Variants in MBTD1 observed in about 807,000 individuals in gnomAD.
MBTD1 encodes MBT domain-containing protein 1.
MBTD1 carries 24 observed loss-of-function variants against 87.8 expected under a neutral mutation model. That is an observed-to-expected ratio of 0.27 (90% confidence interval 0.20 to 0.38). MBTD1 has a LOEUF of 0.38. Among genes scored for constraint, MBTD1 ranks in the 10% least tolerant of loss-of-function variants. The pLI, the probability that MBTD1 is intolerant of heterozygous loss-of-function variation, is 1.00. For missense variants in MBTD1, 436 were observed against 760.2 expected (o/e 0.57, Z 5.02); for synonymous variants, 237 against 248.6 (o/e 0.95, Z 0.44).
At chr17:51,208,360 G>A (rs952019948) in intron 6 of MBTD1, among the ~76,000 whole-genome samples, 4 of 152,060 alleles carry the variant, frequency 2.6e-5, no homozygotes, top group Admixed American at 6.5e-5. Flanking sequence ...CTATCTCCCC[G>A]ACTTGTGCAA....
chr17:51,233,383 G>C (rs770766192), intron 2 of MBTD1, among the ~76,000 whole-genome samples: 1 of 151,868 alleles, frequency 6.6e-6, no homozygotes, highest in Non-Finnish European at 1.5e-5. Context: ...AACAGCATAA[G>C]AAAACGCTAA....
intron 16 of MBTD1, among the ~76,000 whole-genome samples, chr17:51,188,128 AC>A (rs1386066585): frequency 6.6e-6 from 1 of 152,190 alleles, no homozygotes; most frequent in Non-Finnish European, 1.5e-5. Flanking sequence ...TATACCACAT[AC>A]TCACAGATAA....
intron 2 of MBTD1, among the ~76,000 whole-genome samples, chr17:51,244,642 A>C (rs1427882849): frequency 2.0e-5 from 3 of 152,142 alleles, no homozygotes; most frequent in Non-Finnish European, 4.4e-5. Flanking sequence ...TCCTGGCCTC[A>C]AGTGATCTGC....
At chr17:51,181,155 T>C (rs1005081158) in intron 16 of MBTD1, among the ~76,000 whole-genome samples, 1 of 151,530 alleles carries the variant, frequency 6.6e-6, no homozygotes, top group African/African-American at 2.4e-5. Flanking sequence ...CCCCCCCAAG[T>C]AGGTGGGACT....
At chr17:51,189,232 T>C (rs1251170848) in intron 16 of MBTD1, among the ~76,000 whole-genome samples, 2 of 152,184 alleles carry the variant, frequency 1.3e-5, no homozygotes, top group East Asian at 3.8e-4. Context: ...ATATTTCTCT[T>C]CTAAAATCCA....
chr17:51,201,208 A>T (rs2051470933), intron 12 of MBTD1, among the ~76,000 whole-genome samples: 1 of 152,146 alleles, frequency 6.6e-6, no homozygotes, highest in Admixed American at 6.6e-5. Context: ...GATGAGGGGG[A>T]AAAGAGAAAA....
At chr17:51,230,583 G>A (rs576251207) in intron 2 of MBTD1, among the ~76,000 whole-genome samples, 1 of 152,270 alleles carries the variant, frequency 6.6e-6, no homozygotes, top group South Asian at 2.1e-4. Flanking sequence ...TCTCAGTGAG[G>A]TAAGACCATG....
chr17:51,231,032 A>C (rs576260820), intron 2 of MBTD1, among the ~76,000 whole-genome samples: 1 of 152,018 alleles, frequency 6.6e-6, no homozygotes, highest in Non-Finnish European at 1.5e-5. Context: ...CCGCCTCCTG[A>C]GTTCAAGCGA....
chr17:51,202,660 C>T (rs768370384), intron 10 of MBTD1, 41 bp downstream of exon 10: 4 of 1,438,332 alleles, frequency 2.8e-6, no homozygotes, highest in Non-Finnish European at 3.9e-6. Flanking sequence ...TAATCAGCCT[C>T]AATGATGCTT....
At chr17:51,207,386 C>G (rs944685947) in intron 6 of MBTD1, among the ~76,000 whole-genome samples, 2 of 152,048 alleles carry the variant, frequency 1.3e-5, no homozygotes, top group African/African-American at 4.8e-5. Context: ...AAAGATCTGG[C>G]CTAAGAGCAG....
chr17:51,211,412 T>C (rs1015969569), intron 6 of MBTD1, among the ~76,000 whole-genome samples: 1 of 149,050 alleles, frequency 6.7e-6, no homozygotes, highest in Non-Finnish European at 1.5e-5. Context: ...GAGGCTGAGG[T>C]GGGAGAGTCA....
chr17:51,208,435 C>T (rs928430224), intron 6 of MBTD1, among the ~76,000 whole-genome samples: 2 of 152,196 alleles, frequency 1.3e-5, no homozygotes, highest in African/African-American at 4.8e-5. Flanking sequence ...TCAGGTTCTG[C>T]TATCTTTCCC....
intron 2 of MBTD1, chr17:51,250,052 G>C (rs1363010001): frequency 6.6e-6 from 1 of 150,912 alleles, no homozygotes; most frequent in African/African-American, 2.4e-5. Context: ...GAGCCACCAT[G>C]CCTGGCTAAT....
chr17:51,228,262 G>A (rs1022118237), intron 2 of MBTD1, among the ~76,000 whole-genome samples: 1 of 152,010 alleles, frequency 6.6e-6, no homozygotes, highest in Non-Finnish European at 1.5e-5. Flanking sequence ...GAAAAATAAC[G>A]AATGAGTACT....
At chr17:51,260,095 C>T, upstream of MBTD1, 1 of 381,026 alleles carries the variant, frequency 2.6e-6, no homozygotes. Flanking sequence ...GACCCGCGCC[C>T]CGATTGGCCC....
intron 3 of MBTD1, among the ~76,000 whole-genome samples, chr17:51,223,318 A>G (rs534113360): frequency 1.7e-4 from 26 of 151,862 alleles, no homozygotes; most frequent in Admixed American, 1.7e-3. Context: ...GGATCGCTTG[A>G]GTTCAGGAGT....
intron 2 of MBTD1, among the ~76,000 whole-genome samples, chr17:51,251,984 C>T (rs904755886): frequency 4.6e-5 from 7 of 152,180 alleles, no homozygotes; most frequent in Non-Finnish European, 1.0e-4. Flanking sequence ...AGGCTGATCT[C>T]GAACTCCTGG....
intron 16 of MBTD1, among the ~76,000 whole-genome samples, chr17:51,182,909 G>A (rs555219573): frequency 4.0e-4 from 61 of 152,254 alleles, no homozygotes; most frequent in African/African-American, 1.4e-3. Context: ...TATTAAAATT[G>A]CTACAACTTT....
chr17:51,218,423 G>A (rs945715808), intron 5 of MBTD1, among the ~76,000 whole-genome samples: 1 of 151,398 alleles, frequency 6.6e-6, no homozygotes, highest in African/African-American at 2.4e-5. Flanking sequence ...CAGCTACTTG[G>A]GAGGCTGAGA....
Sources: gnomAD v4.1 joint callset for allele counts (sites outside exome capture counted in the v4.1 genomes callset) on GRCh38, gnomAD v4.1.1 for gene constraint, MANE v1.5 for transcripts, NCBI Gene and HGNC (gene_info 2026-07-23, HGNC 2026-07-21) for gene names.